POFUT3: variants seen among roughly 807,000 people sequenced by gnomAD.
The protein encoded by POFUT3 is GDP-fucose protein O-fucosyltransferase 3.
chr8:33,450,567 A>G, the POFUT3 span, among the ~76,000 whole-genome samples: 2 of 152,168 alleles, frequency 1.3e-5, no homozygotes, highest in South Asian at 2.1e-4. Flanking sequence ...TTCCAGTTTG[A>G]CTTTTGAATG....
At chr8:33,444,618 G>C in the POFUT3 span, among the ~76,000 whole-genome samples, 2 of 152,054 alleles carry the variant, frequency 1.3e-5, no homozygotes, top group Non-Finnish European at 2.9e-5. Context: ...AGGAGTTTGA[G>C]ACCAGCCTGG....
the POFUT3 span, among the ~76,000 whole-genome samples, chr8:33,400,119 G>A: frequency 1.5e-5 from 2 of 130,682 alleles, no homozygotes; most frequent in African/African-American, 5.6e-5. Context: ...AGTTCCCTTT[G>A]TTAAGTTCAT....
At chr8:33,461,297 T>G in the POFUT3 span, 3 of 1,475,406 alleles carry the variant, frequency 2.0e-6, no homozygotes, top group South Asian at 1.4e-5. Context: ...ATAATTGGAG[T>G]TTTGAGAAAA....
At chr8:33,437,725 C>T in the POFUT3 span, among the ~76,000 whole-genome samples, 4 of 151,956 alleles carry the variant, frequency 2.6e-5, no homozygotes, top group Admixed American at 6.6e-5. Flanking sequence ...GCAGGAGAAT[C>T]GCTTGAACAG....
At chr8:33,436,231 G>C in the POFUT3 span, 2 of 1,338,900 alleles carry the variant, frequency 1.5e-6, no homozygotes, top group Admixed American at 1.8e-5. Context: ...TACCACGAAG[G>C]GTGTATTCTC....
chr8:33,389,645 G>A, the POFUT3 span: 6 of 1,614,188 alleles, frequency 3.7e-6, no homozygotes, highest in Non-Finnish European at 5.1e-6. Context: ...TGGCAAGTGG[G>A]AATGCCTGCT....
chr8:33,339,470 G>C, the POFUT3 span, among the ~76,000 whole-genome samples: 1 of 152,114 alleles, frequency 6.6e-6, no homozygotes, highest in African/African-American at 2.4e-5. Flanking sequence ...TTGTGTATTT[G>C]GAACCCTGGA....
chr8:33,393,077 C>A, the POFUT3 span, among the ~76,000 whole-genome samples: 1 of 152,098 alleles, frequency 6.6e-6, no homozygotes, highest in Non-Finnish European at 1.5e-5. Flanking sequence ...CAATATTGAA[C>A]AATTTCTAAA....
chr8:33,316,510 C>G, the POFUT3 span, among the ~76,000 whole-genome samples: 2 of 151,330 alleles, frequency 1.3e-5, no homozygotes, highest in African/African-American at 4.9e-5. Flanking sequence ...CACCTGAGGT[C>G]AGGGGTTTGA....
chr8:33,348,867 T>C, the POFUT3 span, among the ~76,000 whole-genome samples: 16 of 152,184 alleles, frequency 1.1e-4, no homozygotes, highest in Non-Finnish European at 1.6e-4. Context: ...ACAAGGGCTA[T>C]ATCAGAAAGT....
At chr8:33,360,633 C>A in the POFUT3 span, among the ~76,000 whole-genome samples, 3 of 152,194 alleles carry the variant, frequency 2.0e-5, no homozygotes, top group East Asian at 5.8e-4. Flanking sequence ...TCTGGCTTAA[C>A]CAATAGCGCC....
chr8:33,411,054 A>G, the POFUT3 span, among the ~76,000 whole-genome samples: 2 of 152,208 alleles, frequency 1.3e-5, no homozygotes, highest in South Asian at 2.1e-4. Flanking sequence ...TCAGATGCCA[A>G]ACCTTGAAAA....
chr8:33,402,663 T>C, the POFUT3 span, among the ~76,000 whole-genome samples: 2,710 of 152,282 alleles, frequency 0.018, 70 homozygotes, highest in African/African-American at 0.062. Flanking sequence ...GGTCTAATAC[T>C]GTAAACAAAT....
chr8:33,369,833 A>G, the POFUT3 span, among the ~76,000 whole-genome samples: 7 of 152,216 alleles, frequency 4.6e-5, no homozygotes, highest in Admixed American at 2.6e-4. Context: ...AATGACCCCA[A>G]CTGATATTCT....
At chr8:33,461,515 C>T in the POFUT3 span, 2 of 1,610,348 alleles carry the variant, frequency 1.2e-6, no homozygotes, top group African/African-American at 1.3e-5. Flanking sequence ...TCTCGTCAGC[C>T]CAGAGCCCGA....
chr8:33,431,100 C>A, the POFUT3 span, among the ~76,000 whole-genome samples: 1 of 152,074 alleles, frequency 6.6e-6, no homozygotes, highest in Admixed American at 6.5e-5. Flanking sequence ...TCAAAGTCAT[C>A]CCTCCTGGAT....
At chr8:33,378,279 G>A in the POFUT3 span, among the ~76,000 whole-genome samples, 10 of 152,214 alleles carry the variant, frequency 6.6e-5, no homozygotes, top group African/African-American at 2.4e-4. Flanking sequence ...GGGAGCAGTA[G>A]CAAACGCTTC....
At chr8:33,380,076 C>CTATATATAT in the POFUT3 span, among the ~76,000 whole-genome samples, 20 of 52,396 alleles carry the variant, frequency 3.8e-4, no homozygotes, top group African/African-American at 2.2e-3. Context: ...TATATATATA[C>CTATATATAT]ACTATATATA....
the POFUT3 span, among the ~76,000 whole-genome samples, chr8:33,341,447 A>G: frequency 4.6e-5 from 7 of 151,646 alleles, no homozygotes; most frequent in Non-Finnish European, 1.0e-4. Flanking sequence ...AAAAAAAAAA[A>G]AAAAGAAAAA....
Sources: gnomAD v4.1 joint callset for allele counts (sites outside exome capture counted in the v4.1 genomes callset) on GRCh38, gnomAD v4.1.1 for gene constraint, MANE v1.5 for transcripts, NCBI Gene and HGNC (gene_info 2026-07-23, HGNC 2026-07-21) for gene names.